DPP6: variants seen among roughly 807,000 people sequenced by gnomAD.
DPP6 encodes dipeptidyl peptidase like 6, also known as A-type potassium channel modulatory protein DPP6.
In DPP6, 69 loss-of-function variants were observed where a neutral mutation model predicts 122.6. The ratio of observed to expected loss-of-function variants is 0.56; its 90% CI spans 0.46 to 0.69. DPP6 has a LOEUF of 0.69. DPP6 is among the 30% of genes least tolerant of loss of function. The pLI is 0.00. For synonymous variants in DPP6, 418 were observed against 433.1 expected (o/e 0.97, Z 0.43); for missense variants, 928 against 1,116.9 (o/e 0.83, Z 2.41).
At chr7:154,661,735 T>C (rs1293274670) in intron 6 of DPP6, among the ~76,000 whole-genome samples, 3 of 141,626 alleles carry the variant, frequency 2.1e-5, no homozygotes, top group South Asian at 2.3e-4. Flanking sequence ...AGTGTTCATA[T>C]AGTCATGGTG....
At position 154,877,975 on chromosome 7, in the gene DPP6, G is replaced by A. The variant is rs1053443117; in HGVS notation, c.2078+1875G>A. ...GGACACGGAAGCCGGCCCAGGCTGC[G>A]CTCTGGAGTGGAGTGGGCCTGGCTT... On this transcript the variant is annotated intron_variant, in intron 20 of 25. Coordinates refer to ENST00000377770, the MANE Select transcript of DPP6 (RefSeq NM_130797.4). This position sits in a 1 kb window ranked among gnomAD's most constrained non-coding sequence, Gnocchi z 5.2. 2.0e-5 allele frequency among the ~76,000 whole-genome samples: 3 copies of A among 152,224 alleles called. No individual in the cohort carries two copies. The highest frequency in any genetic ancestry group is 3.9e-4 in the East Asian group (2 of 5,184).
intron 1 of DPP6, among the ~76,000 whole-genome samples, chr7:153,958,173 C>CA (rs1258478159): frequency 2.6e-5 from 4 of 151,870 alleles, no homozygotes; most frequent in East Asian, 1.9e-4. Flanking sequence ...TAAAAACAAA[C>CA]AAAAAAACAA....
chr7:154,720,600 G>T (rs938844980), intron 7 of DPP6, among the ~76,000 whole-genome samples: 4 of 152,224 alleles, frequency 2.6e-5, no homozygotes, highest in African/African-American at 9.6e-5. Context: ...GGGCCCCCCG[G>T]CTGCAGCATG....
chr7:154,138,511 G>A (rs1219076591), intron 1 of DPP6, among the ~76,000 whole-genome samples: 1 of 152,172 alleles, frequency 6.6e-6, no homozygotes, highest in Non-Finnish European at 1.5e-5. Flanking sequence ...CACAGGGAAG[G>A]AGCCAACCCA....
intron 1 of DPP6, among the ~76,000 whole-genome samples, chr7:154,074,772 C>T (rs184083644): frequency 0.026 from 4,008 of 151,916 alleles, 152 homozygotes; most frequent in African/African-American, 0.089. Context: ...ATAAAGACCC[C>T]GCTGAGAGTT....
chr7:154,487,356 T>C (rs1257824467), intron 3 of DPP6, among the ~76,000 whole-genome samples: 4 of 152,170 alleles, frequency 2.6e-5, no homozygotes, highest in Non-Finnish European at 5.9e-5. Context: ...CCCGCCGTAC[T>C]CAGCCCCTCC....
the DPP6 span, among the ~76,000 whole-genome samples, chr7:153,838,974 T>C: frequency 6.6e-6 from 1 of 152,160 alleles, no homozygotes; most frequent in Non-Finnish European, 1.5e-5. Flanking sequence ...AGTCAGTTTC[T>C]AAACGTTGTT....
In DPP6 at chr7:154,481,967, T is replaced by A. The variant is rs532099301; in HGVS notation, c.457+6930T>A. Among the ~76,000 whole-genome samples, 9 of 152,360 alleles carry A rather than the reference T, an allele frequency of 5.9e-5. No individual in the cohort carries two copies. Among genetic ancestry groups the A allele is most frequent in the African/African-American group, 1.9e-4 (8 of 41,588 alleles). On this transcript the variant is annotated intron_variant, in intron 3 of 25. Coordinates refer to ENST00000377770, the MANE Select transcript of DPP6 (RefSeq NM_130797.4). The surrounding 1 kb of genome is among the most constrained non-coding windows in gnomAD (Gnocchi z 4.2). ...CAGCAAAGTCCCCAGTTTGTGGCCG[T>A]CCACGAAGACTTCTTGGGCATTTTC...
At chr7:154,814,877 A>G (rs1880645) in intron 16 of DPP6, among the ~76,000 whole-genome samples, 123,725 of 152,086 alleles carry the variant, frequency 0.81, 50,413 homozygotes, top group Non-Finnish European at 0.85. Context: ...CAAATTTCCC[A>G]CTTCTTATGT....
chr7:154,853,741 GT>G, intron 16 of DPP6, 38 bp from the exon 17 acceptor site: 1 of 1,605,274 alleles, frequency 6.2e-7, no homozygotes, highest in Non-Finnish European at 8.5e-7. Context: ...TAATGGCTTC[GT>G]TTTTGTTTTC....
At chr7:154,206,616 TAA>T (rs1799463257) in intron 1 of DPP6, among the ~76,000 whole-genome samples, 1 of 152,156 alleles carries the variant, frequency 6.6e-6, no homozygotes, top group African/African-American at 2.4e-5. Context: ...CAGATAATTG[TAA>T]GATTGTATAA....
chr7:154,510,207 A>G (rs537972454), intron 3 of DPP6, among the ~76,000 whole-genome samples: 2 of 152,330 alleles, frequency 1.3e-5, no homozygotes, highest in Non-Finnish European at 2.9e-5. Context: ...GTCCTTAGAA[A>G]CCAAGTTCTG....
At chr7:154,476,550 AAC>A (rs1822754710) in intron 3 of DPP6, among the ~76,000 whole-genome samples, 1 of 152,168 alleles carries the variant, frequency 6.6e-6, no homozygotes, top group South Asian at 2.1e-4. Context: ...TGGGAATCCT[AAC>A]ACACAAGACT....
the DPP6 span, among the ~76,000 whole-genome samples, chr7:153,874,376 T>C: frequency 2.9e-3 from 441 of 152,176 alleles, 4 homozygotes; most frequent in African/African-American, 9.9e-3. Context: ...ACAGAGTTAT[T>C]ATTATTTATT....
chr7:154,687,867 G>A (rs1839712566), intron 7 of DPP6, among the ~76,000 whole-genome samples: 1 of 152,160 alleles, frequency 6.6e-6, no homozygotes, highest in Non-Finnish European at 1.5e-5. Flanking sequence ...TGTGACGCAT[G>A]CTTACAATTA....
chr7:154,777,642 T>G (rs1307487275), intron 10 of DPP6, among the ~76,000 whole-genome samples: 2 of 152,200 alleles, frequency 1.3e-5, no homozygotes, highest in African/African-American at 2.4e-5. Context: ...ATGCGGCAGA[T>G]AGCCAGCACG....
intron 7 of DPP6, among the ~76,000 whole-genome samples, chr7:154,712,673 T>A (rs560984275): frequency 6.6e-6 from 1 of 152,296 alleles, no homozygotes; most frequent in South Asian, 2.1e-4. Flanking sequence ...TCAGATCTCA[T>A]GAGAACCAGC....
At chr7:154,155,855 C>T (rs562055412) in intron 1 of DPP6, among the ~76,000 whole-genome samples, 90 of 152,050 alleles carry the variant, frequency 5.9e-4, no homozygotes, top group Non-Finnish European at 1.1e-3. Flanking sequence ...GACAGAAGGC[C>T]GTGGCTTTAA....
At chr7:154,718,131 C>T (rs114814701) in intron 7 of DPP6, among the ~76,000 whole-genome samples, 5,778 of 152,148 alleles carry the variant, frequency 0.038, 234 homozygotes, top group African/African-American at 0.1. Context: ...GTTTGAGTTC[C>T]TTATGTATTA....
Sources: allele counts gnomAD v4.1 joint callset (sites outside exome capture counted in the v4.1 genomes callset), GRCh38; gene constraint gnomAD v4.1.1; non-coding constraint Gnocchi (gnomAD v3.1); transcripts MANE v1.5; gene names NCBI Gene and HGNC (gene_info 2026-07-23, HGNC 2026-07-21).